Variants in PAPPA2 observed in about 807,000 individuals in gnomAD.
PAPPA2 encodes pappalysin-2.
PAPPA2 carries 86 observed loss-of-function variants against 176.4 expected under a neutral mutation model. That is an observed-to-expected ratio of 0.49 (90% CI 0.41 to 0.58). PAPPA2 has a LOEUF of 0.58. PAPPA2 is among the 20% of genes least tolerant of loss of function. PAPPA2 has a pLI of 0.00. For synonymous variants in PAPPA2, 809 were observed against 852.2 expected, an observed-to-expected ratio of 0.95 and a Z score of 0.88; for missense variants, 2,073 against 2,256.9, an observed-to-expected ratio of 0.92 and a Z score of 1.65.
At chr1:176,585,279 G>A (rs1653240203) in intron 2 of PAPPA2, among the ~76,000 whole-genome samples, 1 of 150,836 alleles carries the variant, frequency 6.6e-6, no homozygotes, top group African/African-American at 2.4e-5. Flanking sequence ...TGATGGATTT[G>A]TTTGTTTTTT....
chr1:176,700,971 G>GA (rs368804183), intron 8 of PAPPA2, among the ~76,000 whole-genome samples: 35 of 151,658 alleles, frequency 2.3e-4, no homozygotes, highest in African/African-American at 6.0e-4. Context: ...GCTTTAAAAA[G>GA]AAAAAAGATG....
chr1:176,512,413 A>C (rs1021257332), intron 1 of PAPPA2, among the ~76,000 whole-genome samples: 4 of 152,194 alleles, frequency 2.6e-5, no homozygotes, highest in African/African-American at 9.7e-5. Flanking sequence ...GAAATGAACT[A>C]CTACTAACAT....
chr1:176,732,113 A>G (rs1662187786), intron 12 of PAPPA2, among the ~76,000 whole-genome samples: 1 of 152,224 alleles, frequency 6.6e-6, no homozygotes, highest in Admixed American at 6.5e-5. Context: ...CAAAAAAAGA[A>G]AAAGCCCATG....
intron 20 of PAPPA2, among the ~76,000 whole-genome samples, chr1:176,796,570 G>T (rs1395155763): frequency 6.6e-6 from 1 of 151,992 alleles, no homozygotes; most frequent in South Asian, 2.1e-4. Flanking sequence ...GACCATCCTA[G>T]TAACCTTTAC....
chr1:176,696,003 TG>T, intron 7 of PAPPA2, 144 bp downstream of exon 7: 1 of 1,111,070 alleles, frequency 9.0e-7, no homozygotes, highest in Non-Finnish European at 1.3e-6. Flanking sequence ...TGTGTGTGTG[TG>T]TGTTTTGCTG....
intron 3 of PAPPA2, among the ~76,000 whole-genome samples, chr1:176,617,307 G>A (rs1490378063): frequency 6.6e-6 from 1 of 152,150 alleles, no homozygotes; most frequent in Admixed American, 6.5e-5. Context: ...CATAGGGGGT[G>A]GCAGGCGCTA....
In PAPPA2 at chr1:176,610,836, A is replaced by G. The variant is rs557151636; in HGVS notation, c.1991+15241A>G. Among the ~76,000 whole-genome samples the G allele has an allele frequency of 1.5e-4, 23 of 152,242 alleles. No individual in the cohort carries two copies. The East Asian group carries it at 4.4e-3, about 29-fold the overall frequency. ...TCTCATTCTATTTATTTATTCATTT[A>G]CTCATTCAGTTTATAATAAACATTT... On this transcript the variant is annotated intron_variant, in intron 3 of 22. Transcript: ENST00000367662.
rs184743338 is a variant in PAPPA2, at chr1:176,817,741, G to C, written c.5202+17609G>C. ...TTAACCTCTGTTAAAAAAAAAAAAA[G>C]AAAGAAAGAAAAGAAAAGATGCAGG... On this transcript the variant is annotated intron_variant, in intron 21 of 22. Coordinates refer to ENST00000367662, the MANE Select transcript of PAPPA2 (RefSeq NM_020318.3). Among the ~76,000 whole-genome samples the C allele has an allele frequency of 4.0e-4, 60 of 149,612 alleles. No individual in the cohort carries two copies. The Middle Eastern group carries it at 0.021, about 53-fold the overall frequency.
intron 3 of PAPPA2, among the ~76,000 whole-genome samples, chr1:176,660,439 G>A (rs934364914): frequency 6.6e-6 from 1 of 151,854 alleles, no homozygotes; most frequent in Non-Finnish European, 1.5e-5. Context: ...ACTTTTTTGA[G>A]GCAAATTTAA....
intron 8 of PAPPA2, among the ~76,000 whole-genome samples, chr1:176,702,397 C>T (rs910806967): frequency 3.3e-5 from 5 of 152,242 alleles, no homozygotes; most frequent in African/African-American, 4.8e-5. Context: ...CTCTGTGCAA[C>T]GCACAGGGGA....
intron 12 of PAPPA2, among the ~76,000 whole-genome samples, chr1:176,721,813 AT>A (rs1661635620): frequency 2.0e-5 from 3 of 150,604 alleles, no homozygotes; most frequent in Non-Finnish European, 3.0e-5. Context: ...TTTCAAAAAA[AT>A]TTTTTTCAGG....
intron 3 of PAPPA2, among the ~76,000 whole-genome samples, chr1:176,664,516 T>C (rs569385848): frequency 6.6e-6 from 1 of 152,286 alleles, no homozygotes; most frequent in South Asian, 2.1e-4. Flanking sequence ...TCCAGAATAA[T>C]CTCCTCGTCT....
At chr1:176,773,270 A>G (rs1664315286) in intron 17 of PAPPA2, among the ~76,000 whole-genome samples, 1 of 152,188 alleles carries the variant, frequency 6.6e-6, no homozygotes, top group Non-Finnish European at 1.5e-5. Flanking sequence ...CGGATTGGTA[A>G]TCAGAAGTTT....
intron 4 of PAPPA2, among the ~76,000 whole-genome samples, chr1:176,677,892 G>A (rs1659386509): frequency 6.6e-6 from 1 of 152,208 alleles, no homozygotes; most frequent in South Asian, 2.1e-4. Context: ...CCCTTAAGGG[G>A]TGCACAGCAT....
intron 3 of PAPPA2, among the ~76,000 whole-genome samples, chr1:176,604,271 CA>C (rs1417364060): frequency 2.6e-5 from 4 of 152,142 alleles, no homozygotes; most frequent in Admixed American, 1.3e-4. Flanking sequence ...GAATTTATCA[CA>C]AACATGCTAT....
At chr1:176,661,081 C>A (rs1658333484) in intron 3 of PAPPA2, among the ~76,000 whole-genome samples, 1 of 152,090 alleles carries the variant, frequency 6.6e-6, no homozygotes, top group African/African-American at 2.4e-5. Context: ...AAAAACAGTT[C>A]TCACACTATT....
At chr1:176,716,602 C>CTTTTTT (rs71299410) in intron 12 of PAPPA2, among the ~76,000 whole-genome samples, 50 of 114,824 alleles carry the variant, frequency 4.4e-4, no homozygotes, top group African/African-American at 7.7e-4. Context: ...TTCCTTCCTT[C>CTTTTTT]TTTTTTTTTT....
chr1:176,547,634 A>G (rs1207942749), intron 1 of PAPPA2, among the ~76,000 whole-genome samples: 1 of 152,166 alleles, frequency 6.6e-6, no homozygotes, highest in Non-Finnish European at 1.5e-5. Context: ...CAACCTCACT[A>G]TTAACATTTT....
rs1402403465 is a variant in PAPPA2, at chr1:176,613,207, C to T, written c.1991+17612C>T. Among the ~76,000 whole-genome samples, 8 of 152,258 alleles carry T rather than the reference C, an allele frequency of 5.3e-5. No individual in the cohort carries two copies. In the East Asian group the frequency reaches 1.5e-3, roughly 29 times the overall value. Reference sequence around the variant, plus strand: ...CTTATGTGTCTAACTCCATTTCCTTCTTTCACAAGTCATTGTGGAAAAAAA... The same window carrying T: ...CTTATGTGTCTAACTCCATTTCCTTTTTTCACAAGTCATTGTGGAAAAAAA... On this transcript the variant is annotated intron_variant, in intron 3 of 22. Coordinates refer to ENST00000367662, the MANE Select transcript of PAPPA2 (RefSeq NM_020318.3).
Sources: gnomAD v4.1 joint callset for allele counts (sites outside exome capture counted in the v4.1 genomes callset) on GRCh38, gnomAD v4.1.1 for gene constraint, MANE v1.5 for transcripts, NCBI Gene and HGNC (gene_info 2026-07-23, HGNC 2026-07-21) for gene names.